SIK3: variants seen among roughly 807,000 people sequenced by gnomAD.
SIK3 encodes SIK family kinase 3.
SIK3 carries 28 observed loss-of-function variants against 144.2 expected under a neutral mutation model. The ratio of observed to expected loss-of-function variants is 0.19; its 90% CI spans 0.14 to 0.27. The LOEUF (loss-of-function observed/expected upper bound fraction) is 0.27. Ranked by LOEUF, SIK3 falls within the 10% of genes least tolerant of loss-of-function variation. SIK3 has a pLI of 1.00. For synonymous variants in SIK3, 686 were observed against 676.3 expected, an observed-to-expected ratio of 1.01 and a Z score of -0.22; for missense variants, 1,319 against 1,776.0, an observed-to-expected ratio of 0.74 and a Z score of 4.62.
intron 1 of SIK3, among the ~76,000 whole-genome samples, chr11:117,028,427 A>C (rs375649052): frequency 1.4e-4 from 22 of 152,242 alleles, no homozygotes; most frequent in African/African-American, 4.3e-4. Context: ...AATCTAGTAT[A>C]ATAGGGACAG....
chr11:116,998,526 C>T (rs1355757099), intron 1 of SIK3, among the ~76,000 whole-genome samples: 2 of 151,196 alleles, frequency 1.3e-5, no homozygotes, highest in African/African-American at 4.9e-5. Flanking sequence ...ATCTGAAATT[C>T]CTCCTCTTAG....
At chr11:116,982,539 C>T (rs1272118450) in intron 1 of SIK3, among the ~76,000 whole-genome samples, 2 of 152,142 alleles carry the variant, frequency 1.3e-5, no homozygotes, top group Non-Finnish European at 2.9e-5. Flanking sequence ...TTGCCCACCT[C>T]GGCTTCCCAA....
intron 1 of SIK3, among the ~76,000 whole-genome samples, chr11:117,037,176 A>T (rs1257814321): frequency 6.6e-6 from 1 of 152,184 alleles, no homozygotes; most frequent in Non-Finnish European, 1.5e-5. Context: ...GCTGCAAAAA[A>T]GGGAAAAACT....
chr11:116,999,208 T>C (rs1052874857), intron 1 of SIK3, among the ~76,000 whole-genome samples: 1 of 152,206 alleles, frequency 6.6e-6, no homozygotes, highest in South Asian at 2.1e-4. Context: ...GAATCCAAAG[T>C]TTTAAAGCAT....
chr11:116,873,727 G>A (rs1362998392), intron 12 of SIK3, 91 bp from the exon 13 acceptor site: 2 of 1,487,274 alleles, frequency 1.3e-6, no homozygotes, highest in South Asian at 1.4e-5. Context: ...AATTAAGGGA[G>A]CCATGGGTCA....
At chr11:117,008,994 G>A (rs573420984) in intron 1 of SIK3, among the ~76,000 whole-genome samples, 1 of 152,178 alleles carries the variant, frequency 6.6e-6, no homozygotes, top group South Asian at 2.1e-4. Flanking sequence ...CAGCACTTTG[G>A]GAGGCCGAGG....
chr11:116,870,931 C>T (rs1320565369), intron 13 of SIK3, among the ~76,000 whole-genome samples: 6 of 152,146 alleles, frequency 3.9e-5, no homozygotes, highest in Non-Finnish European at 7.3e-5. Flanking sequence ...CCCGAAAATA[C>T]AGTAGAAGAT....
In SIK3 at chr11:116,858,395, G is replaced by A. The variant is rs1403791520; in HGVS notation, c.3070C>T (p.Arg1024Trp). Reference protein sequence around the residue: ...PHILQGLLSPRHSLTGHSDIR... With the variant: ...PHILQGLLSPWHSLTGHSDIR... ...TCCGAGTGGCCGGTGAGCGAATGCC[G>A]GGGAGAAAGCAGTCCTTGAAGGATG... is the stretch of plus-strand genomic sequence containing the variant. The change falls in exon 21 of 25, where the codon CGG (arginine) becomes TGG (tryptophan). Residue 1024 changes from arginine to tryptophan, a missense_variant. Physicochemically the swap from Arg to Trp is moderately radical, Grantham distance 101. Around this residue, in one of 8 missense-constraint regions of SIK3, gnomAD observed 646 missense variants for 763.7 expected, o/e 0.85. Transcript: ENST00000445177. The surrounding 1 kb of genome is among the most constrained non-coding windows in gnomAD (Gnocchi z 5.4). 6 of 1,613,360 alleles carry A rather than the reference G, an allele frequency of 3.7e-6. No individual in the cohort carries two copies. The highest frequency in any genetic ancestry group is 4.2e-6 in the Non-Finnish European group (5 of 1,179,616).
intron 14 of SIK3, chr11:116,870,107 T>C: frequency 6.6e-7 from 1 of 1,513,558 alleles, no homozygotes; most frequent in Non-Finnish European, 8.8e-7. Context: ...TTATGGTTAT[T>C]GCTGTCACTT....
Position 117,029,395 on chromosome 11 carries a change from T to C in SIK3, c.273+68748A>G, listed in dbSNP as rs12269954. Among the ~76,000 whole-genome samples the C allele has an allele frequency of 7.7e-3, 1,174 of 152,224 alleles. 15 individuals are homozygous for C. Among genetic ancestry groups the C allele is most frequent in the African/African-American group, 0.024 (1,007 of 41,550 alleles). On this transcript the variant is annotated intron_variant, in intron 1 of 24. Transcript: ENST00000445177. ...TGAATTGAACCCAGGAGGCAGAGGCTGCAGTGAGCCAAGATTGCACCACTG... is the reference window on the plus strand; with the variant it reads ...TGAATTGAACCCAGGAGGCAGAGGCCGCAGTGAGCCAAGATTGCACCACTG...
intron 3 of SIK3, among the ~76,000 whole-genome samples, chr11:116,951,391 T>C (rs114310793): frequency 6.6e-4 from 101 of 152,270 alleles, no homozygotes; most frequent in African/African-American, 2.2e-3. Context: ...TATTACTTAA[T>C]AGTATCAATA....
chr11:117,057,064 C>T (rs1430982265), intron 1 of SIK3, among the ~76,000 whole-genome samples: 1 of 152,182 alleles, frequency 6.6e-6, no homozygotes, highest in Non-Finnish European at 1.5e-5. Flanking sequence ...GTACCCTTTA[C>T]CTTGTTTCCC....
At chr11:117,090,610 C>T (rs1488547087) in intron 1 of SIK3, among the ~76,000 whole-genome samples, 1 of 152,164 alleles carries the variant, frequency 6.6e-6, no homozygotes. Flanking sequence ...ACCAATATTC[C>T]CTAGGAGTTA....
chr11:116,974,630 T>G (rs1244110362), intron 1 of SIK3, among the ~76,000 whole-genome samples: 1 of 152,148 alleles, frequency 6.6e-6, no homozygotes, highest in African/African-American at 2.4e-5. Context: ...AACTCCTGGC[T>G]GTAAGTGATC....
chr11:117,023,908 GC>G (rs1252077309), intron 1 of SIK3, among the ~76,000 whole-genome samples: 1 of 151,844 alleles, frequency 6.6e-6, no homozygotes. Context: ...TGAACTCCTG[GC>G]CTCAAGTGAT....
At position 116,844,646 on chromosome 11, in the gene SIK3, ATT is replaced by A. The variant is rs1458565767; in HGVS notation, c.*995_*996del. On this transcript the variant is annotated 3_prime_UTR_variant, in exon 25 of 25. Coordinates refer to ENST00000445177, the MANE Select transcript of SIK3 (RefSeq NM_001366686.3). ...ATATATATAATATATTATATTATAT[ATT>A]ATATATATAATATATATATACACAT... 27 of 108,862 alleles carry A rather than the reference ATT, an allele frequency of 2.5e-4. No homozygotes were observed. The highest frequency in any genetic ancestry group is 9.6e-4 in the African/African-American group (26 of 27,212). 6.7% of individuals were successfully genotyped at this position (108,862 alleles called of 1,614,324 possible).
intron 1 of SIK3, among the ~76,000 whole-genome samples, chr11:116,960,050 C>T (rs1591430949): frequency 6.6e-6 from 1 of 152,062 alleles, no homozygotes; most frequent in Non-Finnish European, 1.5e-5. Flanking sequence ...TAAATATGTA[C>T]TATAATAAAT....
At chr11:117,052,895 C>A (rs1003973972) in intron 1 of SIK3, among the ~76,000 whole-genome samples, 1 of 152,198 alleles carries the variant, frequency 6.6e-6, no homozygotes, top group African/African-American at 2.4e-5. Flanking sequence ...TGCTGCAATG[C>A]AGGAGGACCT....
chr11:117,041,896 G>A lies in SIK3; in HGVS notation c.273+56247C>T, dbSNP rs544082331. Among the ~76,000 whole-genome samples the A allele has an allele frequency of 3.7e-5, 5 of 135,538 alleles. No individual in the cohort carries two copies. The East Asian group carries it at 6.1e-4, about 16-fold the overall frequency. 88.9% of individuals were successfully genotyped at this position (135,538 alleles called of 152,430 possible). A position where few individuals can be genotyped will look rare whatever the true frequency, so the allele number is the denominator to read the frequency against. On this transcript the variant is annotated intron_variant, in intron 1 of 24. Transcript: ENST00000445177. ...TCAGAAAAGGAAACAGGTAGAGCCC[G>A]TTTATCCCTACTCTTTTTTTTCATG...
Sources: allele counts gnomAD v4.1 joint callset (sites outside exome capture counted in the v4.1 genomes callset), GRCh38; gene constraint gnomAD v4.1.1; regional missense constraint gnomAD v4.1.1; non-coding constraint Gnocchi (gnomAD v3.1); transcripts MANE v1.5; gene names NCBI Gene and HGNC (gene_info 2026-07-23, HGNC 2026-07-21).